Variants in PDCD1LG2 observed in about 807,000 individuals in gnomAD.
PDCD1LG2 encodes the protein programmed cell death 1 ligand 2, also known as B7 dendritic cell molecule.
Under a neutral mutation model 28.2 loss-of-function variants are expected in PDCD1LG2, and 32 were observed. That is an observed-to-expected ratio of 1.13 (90% CI 0.86 to 1.52). The LOEUF (loss-of-function observed/expected upper bound fraction) is 1.52, where lower values mean the gene tolerates loss of function less well. PDCD1LG2 is among the 40% of genes most tolerant of loss of function. The probability of loss-of-function intolerance (pLI) is 0.00; values close to 1 mark genes in which losing one functional copy is unlikely to be tolerated. For missense variants in PDCD1LG2, 385 were observed against 323.8 expected (o/e 1.19, Z -1.45); for synonymous variants, 116 against 120.2 (o/e 0.97, Z 0.23).
At chr9:5,541,806 T>A (rs1250703145) in intron 3 of PDCD1LG2, among the ~76,000 whole-genome samples, 3 of 152,106 alleles carry the variant, frequency 2.0e-5, no homozygotes, top group Non-Finnish European at 4.4e-5. Flanking sequence ...ACCATCATTC[T>A]TCACAAAAGT....
intron 6 of PDCD1LG2, among the ~76,000 whole-genome samples, chr9:5,564,323 G>C (rs994004802): frequency 3.3e-5 from 5 of 152,154 alleles, no homozygotes; most frequent in Admixed American, 6.6e-5. Flanking sequence ...GCAACAAAAG[G>C]ACATCTGTGA....
rs2129875284 is a variant in PDCD1LG2 at position 5,549,427 on chromosome 9, G to A, written c.454G>A (p.Glu152Lys). The A allele has an allele frequency of 6.2e-7, 1 of 1,614,206 alleles. No individual in the cohort carries two copies. Among genetic ancestry groups the A allele is most frequent in the Non-Finnish European group, 8.5e-7 (1 of 1,180,036 alleles). ...CCAGGCTACAGGTTATCCTCTGGCA[G>A]AAGTATCCTGGCCAAACGTCAGCGT... ...TCQATGYPLAEVSWPNVSVPA... is the reference protein window; with the variant it reads ...TCQATGYPLAKVSWPNVSVPA... The change falls in exon 4 of 7, where the codon GAA (glutamate) becomes AAA (lysine). Residue 152 changes from glutamate to lysine, a missense_variant. Physicochemically the swap from Glu to Lys is moderately conservative, Grantham distance 56. Transcript: ENST00000397747.
chr9:5,555,382 A>G (rs1018981004), intron 4 of PDCD1LG2, among the ~76,000 whole-genome samples: 1 of 152,164 alleles, frequency 6.6e-6, no homozygotes, highest in Non-Finnish European at 1.5e-5. Context: ...ATGCCACTGC[A>G]CTCCAGCCTG....
In PDCD1LG2 at chr9:5,535,031, C is replaced by G. The variant is rs2129796371; in HGVS notation, c.342C>G (p.Tyr114Ter). Residue 114 changes from tyrosine to a stop codon, truncating the protein, a stop_gained, in exon 3 of 7, where the codon TAC becomes TAG. Transcript: ENST00000397747. LOFTEE classifies it high-confidence loss of function. The stretch of plus-strand genomic sequence containing the variant: ...ATGGGGTCGCCTGGGACTACAAGTA[C>G]CTGACTCTGAAAGTCAAAGGTGAGT... ...IIYGVAWDYK[Y>*]LTLKVKASYR... The G allele has an allele frequency of 6.2e-7, 1 of 1,609,416 alleles. No homozygotes were observed. The highest frequency in any genetic ancestry group is 8.5e-7 in the Non-Finnish European group (1 of 1,177,134).
At chr9:5,530,655 C>A (rs889258109) in intron 2 of PDCD1LG2, among the ~76,000 whole-genome samples, 1 of 152,142 alleles carries the variant, frequency 6.6e-6, no homozygotes, top group African/African-American at 2.4e-5. Context: ...CTTCTTTGAG[C>A]CTCAGTTTCC....
chr9:5,550,825 C>T (rs954246221), intron 4 of PDCD1LG2, among the ~76,000 whole-genome samples: 9 of 152,176 alleles, frequency 5.9e-5, no homozygotes, highest in African/African-American at 1.9e-4. Context: ...TCCTGAGTAG[C>T]TGGGATTACA....
At chr9:5,518,599 G>C (rs1820213247) in intron 1 of PDCD1LG2, among the ~76,000 whole-genome samples, 1 of 152,198 alleles carries the variant, frequency 6.6e-6, no homozygotes, top group African/African-American at 2.4e-5. Flanking sequence ...TTTCCCTGTG[G>C]AAAGCACTTA....
chr9:5,511,826 T>G (rs999612555), intron 1 of PDCD1LG2, among the ~76,000 whole-genome samples: 3 of 152,150 alleles, frequency 2.0e-5, no homozygotes, highest in African/African-American at 7.2e-5. Context: ...TCCCCAGATT[T>G]CTCCTGTTGG....
Position 5,570,161 on chromosome 9 carries a change from A to G in PDCD1LG2, c.*202A>G, listed in dbSNP as rs1816743929. 9.4e-6 allele frequency: 6 copies of G among 639,130 alleles called. No homozygotes were observed. The highest frequency in any genetic ancestry group is 1.7e-5 in the Non-Finnish European group (6 of 357,108). 39.6% of individuals were successfully genotyped at this position (639,130 alleles called of 1,614,324 possible). A position where few individuals can be genotyped will look rare whatever the true frequency, so the allele number is the denominator to read the frequency against. On this transcript the variant is annotated 3_prime_UTR_variant, in exon 7 of 7. Coordinates refer to ENST00000397747, the MANE Select transcript of PDCD1LG2 (RefSeq NM_025239.4). ...CTTGCCCCTTCACTGATCTGGACTC[A>G]CCTCTGGAGCCTATGGCTTTAAGCA... is the stretch of plus-strand genomic sequence containing the variant.
At chr9:5,546,602 G>C (rs141882512) in intron 3 of PDCD1LG2, among the ~76,000 whole-genome samples, 1 of 152,112 alleles carries the variant, frequency 6.6e-6, no homozygotes, top group African/African-American at 2.4e-5. Context: ...CTACTGCTGG[G>C]TGCTCCTAAG....
chr9:5,551,935 T>A (rs1242582928), intron 4 of PDCD1LG2, among the ~76,000 whole-genome samples: 1 of 152,214 alleles, frequency 6.6e-6, no homozygotes, highest in Non-Finnish European at 1.5e-5. Context: ...TAGTTCCTGC[T>A]GCTGCTGTGG....
At chr9:5,532,309 T>C (rs1182244802) in intron 2 of PDCD1LG2, among the ~76,000 whole-genome samples, 1 of 152,196 alleles carries the variant, frequency 6.6e-6, no homozygotes, top group Non-Finnish European at 1.5e-5. Flanking sequence ...CTAGCCATGG[T>C]TAAAACAGGG....
At position 5,570,460 on chromosome 9, in the gene PDCD1LG2, T is replaced by C. The variant is rs1816749266; in HGVS notation, c.*501T>C. The stretch of plus-strand genomic sequence containing the variant: ...CAGGGCTTCGCACAAACTCAAATCA[T>C]AATTGACATGTTTTATGGATTACTG... On this transcript the variant is annotated 3_prime_UTR_variant, in exon 7 of 7. Transcript: ENST00000397747. 4.3e-6 allele frequency: 1 copy of C among 234,210 alleles called. No homozygotes were observed. The highest frequency in any genetic ancestry group is 2.2e-5 in the African/African-American group (1 of 45,364). 14.5% of individuals were successfully genotyped at this position (234,210 alleles called of 1,614,324 possible).
At chr9:5,516,208 C>T (rs543944633) in intron 1 of PDCD1LG2, among the ~76,000 whole-genome samples, 2 of 152,208 alleles carry the variant, frequency 1.3e-5, no homozygotes, top group East Asian at 1.9e-4. Context: ...CCCACCACTA[C>T]ATCCAGCTAA....
intron 4 of PDCD1LG2, among the ~76,000 whole-genome samples, chr9:5,555,872 A>G (rs1206558163): frequency 6.6e-6 from 1 of 152,230 alleles, no homozygotes. Flanking sequence ...ATAGTCTCTG[A>G]GAAGCCATGT....
At chr9:5,513,241 C>T (rs975384470) in intron 1 of PDCD1LG2, among the ~76,000 whole-genome samples, 5 of 152,244 alleles carry the variant, frequency 3.3e-5, no homozygotes, top group African/African-American at 9.6e-5. Flanking sequence ...CCCCTCAACA[C>T]GCCTGTGCAT....
intron 2 of PDCD1LG2, among the ~76,000 whole-genome samples, chr9:5,527,627 G>T (rs2129754647): frequency 6.6e-6 from 1 of 152,190 alleles, no homozygotes; most frequent in East Asian, 1.9e-4. Context: ...TTGCATATAG[G>T]TTTTTTTGGG....
intron 3 of PDCD1LG2, among the ~76,000 whole-genome samples, chr9:5,539,006 G>A (rs1281183472): frequency 6.6e-6 from 1 of 152,028 alleles, no homozygotes; most frequent in Non-Finnish European, 1.5e-5. Context: ...CTGGCTATTT[G>A]AAGCTATATA....
Position 5,521,043 on chromosome 9 carries a change from G to A in PDCD1LG2, c.-14-1490G>A, listed in dbSNP as rs550496888. ...ATATTATTTAGTCACAAAAAGGAAC[G>A]CAGTGCTGATATATGCTACAATACA... On this transcript the variant is annotated intron_variant, in intron 1 of 6. Transcript: ENST00000397747. 3.9e-5 allele frequency among the ~76,000 whole-genome samples: 6 copies of A among 152,250 alleles called. No homozygotes were observed. In the South Asian group the frequency reaches 8.3e-4, roughly 21 times the overall value.
Sources: allele counts gnomAD v4.1 joint callset (sites outside exome capture counted in the v4.1 genomes callset), GRCh38; gene constraint gnomAD v4.1.1; transcripts MANE v1.5; gene names NCBI Gene and HGNC (gene_info 2026-07-23, HGNC 2026-07-21).